DAPL1: variants seen among roughly 807,000 people sequenced by gnomAD.
The protein encoded by DAPL1 is death-associated protein-like 1.
A neutral mutation model predicts 12.9 loss-of-function variants in DAPL1; 17 were observed. That is an observed-to-expected ratio of 1.32 (90% confidence interval 0.90 to 1.98). DAPL1 has a LOEUF of 1.98. DAPL1 is among the 30% of genes most tolerant of loss of function. The pLI is 0.00. For synonymous variants in DAPL1, 51 were observed against 42.0 expected, an observed-to-expected ratio of 1.21 and a Z score of -0.82; for missense variants, 157 against 125.7, an observed-to-expected ratio of 1.25 and a Z score of -1.19.
At chr2:158,803,667 G>A (rs2059181432) in intron 1 of DAPL1, among the ~76,000 whole-genome samples, 2 of 152,208 alleles carry the variant, frequency 1.3e-5, no homozygotes, top group African/African-American at 4.8e-5. Flanking sequence ...CACTTGAATG[G>A]CAGGATTATT....
intron 1 of DAPL1, among the ~76,000 whole-genome samples, chr2:158,799,091 G>A (rs2059151380): frequency 6.6e-6 from 1 of 152,172 alleles, no homozygotes; most frequent in Non-Finnish European, 1.5e-5. Context: ...GCAGTCACAA[G>A]AGTATAATTC....
At chr2:158,813,700 C>T (rs1311183629) in intron 3 of DAPL1, among the ~76,000 whole-genome samples, 7 of 152,012 alleles carry the variant, frequency 4.6e-5, no homozygotes, top group East Asian at 1.9e-4. Flanking sequence ...GGACTACAGT[C>T]GCTCGCCACC....
intron 3 of DAPL1, among the ~76,000 whole-genome samples, chr2:158,810,021 T>G (rs2059222252): frequency 6.6e-6 from 1 of 152,156 alleles, no homozygotes; most frequent in Admixed American, 6.5e-5. Context: ...TTTGGGGGAA[T>G]GATGGGATGG....
At chr2:158,810,383 A>T (rs2059224090) in intron 3 of DAPL1, among the ~76,000 whole-genome samples, 1 of 152,140 alleles carries the variant, frequency 6.6e-6, no homozygotes, top group Non-Finnish European at 1.5e-5. Flanking sequence ...GCCCTCAGTT[A>T]CACTCATGTC....
intron 1 of DAPL1, among the ~76,000 whole-genome samples, chr2:158,798,402 T>C (rs533224680): frequency 9.8e-5 from 15 of 152,320 alleles, no homozygotes; most frequent in Admixed American, 9.1e-4. Flanking sequence ...TTGGGGGCAT[T>C]GGAACAGGAC....
intron 1 of DAPL1, among the ~76,000 whole-genome samples, chr2:158,797,651 G>A (rs926378022): frequency 6.6e-6 from 1 of 151,992 alleles, no homozygotes; most frequent in African/African-American, 2.4e-5. Flanking sequence ...AATTAGCCGG[G>A]CGTGGGGCAT....
At chr2:158,812,202 T>C (rs1390290237) in intron 3 of DAPL1, among the ~76,000 whole-genome samples, 1 of 152,238 alleles carries the variant, frequency 6.6e-6, no homozygotes, top group Non-Finnish European at 1.5e-5. Context: ...AGTTTCTCTA[T>C]TATCTTTGCC....
In DAPL1 at chr2:158,795,422, C is replaced by CT; in HGVS notation, c.51dup (p.Pro18SerfsTer48). On this transcript the variant is annotated frameshift_variant, in exon 1 of 4. Transcript: ENST00000309950. LOFTEE classifies it high-confidence loss of function. Reference sequence around the variant, plus strand: ...CTCTCCCCTCGGAAAGGGGGACATCCTCCTGCAGGTAGGCTGCCACCTGCC... The same window carrying CT: ...CTCTCCCCTCGGAAAGGGGGACATCCTTCCTGCAGGTAGGCTGCCACCTGCC... 1 of 1,554,984 alleles carries CT rather than the reference C, an allele frequency of 6.4e-7. No individual in the cohort carries two copies. Among genetic ancestry groups the CT allele is most frequent in the Non-Finnish European group, 8.7e-7 (1 of 1,148,890 alleles).
At chr2:158,809,112 G>A (rs1485714330) in intron 3 of DAPL1, among the ~76,000 whole-genome samples, 1 of 152,062 alleles carries the variant, frequency 6.6e-6, no homozygotes, top group Non-Finnish European at 1.5e-5. Context: ...TGTAATCCCA[G>A]CACTTTGCGA....
chr2:158,808,001 T>C (rs1171826207), intron 3 of DAPL1, among the ~76,000 whole-genome samples: 1 of 152,212 alleles, frequency 6.6e-6, no homozygotes, highest in Non-Finnish European at 1.5e-5. Flanking sequence ...TCTTACCAAG[T>C]AGACAGTGGT....
intron 3 of DAPL1, 65 bp from the exon 4 acceptor site, chr2:158,815,640 T>C (rs2059255952): frequency 1.0e-5 from 10 of 952,716 alleles, no homozygotes; most frequent in Admixed American, 1.8e-5. Flanking sequence ...CACTTTCTAC[T>C]AGTTTAATAT....
intron 1 of DAPL1, among the ~76,000 whole-genome samples, chr2:158,800,483 C>T (rs778363748): frequency 7.9e-5 from 12 of 152,254 alleles, no homozygotes; most frequent in Non-Finnish European, 1.6e-4. Flanking sequence ...GTTCTTATGT[C>T]ACCTCTATTT....
intron 2 of DAPL1, among the ~76,000 whole-genome samples, chr2:158,805,907 C>A (rs2059198292): frequency 6.7e-6 from 1 of 148,338 alleles, no homozygotes; most frequent in Non-Finnish European, 1.5e-5. Context: ...ATCTTATGGA[C>A]TTTCAGGGCC....
intron 1 of DAPL1, among the ~76,000 whole-genome samples, chr2:158,798,576 T>C (rs535472287): frequency 2.0e-5 from 3 of 152,256 alleles, no homozygotes; most frequent in African/African-American, 7.2e-5. Flanking sequence ...AGATGGGTGA[T>C]GTTTCACGGA....
At chr2:158,801,612 T>A (rs1479707760) in intron 1 of DAPL1, among the ~76,000 whole-genome samples, 1 of 152,166 alleles carries the variant, frequency 6.6e-6, no homozygotes, top group Non-Finnish European at 1.5e-5. Context: ...AAGCAGATAA[T>A]GTATAAAGAT....
At chr2:158,798,803 T>G (rs540828481) in intron 1 of DAPL1, among the ~76,000 whole-genome samples, 2 of 152,200 alleles carry the variant, frequency 1.3e-5, no homozygotes, top group South Asian at 4.1e-4. Flanking sequence ...GAATGCAAAG[T>G]GAGCATTTTG....
At chr2:158,812,186 A>T (rs2059234707) in intron 3 of DAPL1, among the ~76,000 whole-genome samples, 4 of 152,208 alleles carry the variant, frequency 2.6e-5, no homozygotes, top group Admixed American at 2.6e-4. Flanking sequence ...CTTAACAATT[A>T]TGGGCAGTTT....
intron 3 of DAPL1, among the ~76,000 whole-genome samples, chr2:158,813,432 G>A (rs914453514): frequency 1.3e-5 from 2 of 152,072 alleles, no homozygotes; most frequent in African/African-American, 4.8e-5. Flanking sequence ...TTTTTTATAT[G>A]CCCAAACGAT....
chr2:158,804,100 C>T (rs1262479990), intron 1 of DAPL1, among the ~76,000 whole-genome samples, 182 bp from the exon 2 acceptor site: 3 of 150,480 alleles, frequency 2.0e-5, no homozygotes, highest in Non-Finnish European at 4.4e-5. Context: ...AGCCCTTCCT[C>T]CACCCACACC....
Sources: gnomAD v4.1 joint callset for allele counts (sites outside exome capture counted in the v4.1 genomes callset) on GRCh38, gnomAD v4.1.1 for gene constraint, MANE v1.5 for transcripts, NCBI Gene and HGNC (gene_info 2026-07-23, HGNC 2026-07-21) for gene names.